Variants in GPR176 observed in about 807,000 individuals in gnomAD.
The protein encoded by GPR176 is G protein-coupled receptor 176.
GPR176 carries 26 observed loss-of-function variants against 35.4 expected under a neutral mutation model. That is an observed-to-expected ratio of 0.74 (90% CI 0.54 to 1.02). The LOEUF (loss-of-function observed/expected upper bound fraction) is 1.02, where lower values mean the gene tolerates loss of function less well. GPR176 is among the 50% of genes least tolerant of loss of function. The pLI, the probability that GPR176 is intolerant of heterozygous loss-of-function variation, is 0.00. For missense variants in GPR176, 597 were observed against 665.3 expected, an observed-to-expected ratio of 0.90 and a Z score of 1.13; for synonymous variants, 278 against 271.3, an observed-to-expected ratio of 1.02 and a Z score of -0.24.
At chr15:39,897,941 T>C (rs760492238) in intron 1 of GPR176, among the ~76,000 whole-genome samples, 78 of 152,182 alleles carry the variant, frequency 5.1e-4, no homozygotes, top group Non-Finnish European at 5.0e-4. Context: ...GTGATGTGCA[T>C]GAGGCCACTC....
chr15:39,813,700 T>C (rs1899720657), intron 1 of GPR176: 1 of 152,212 alleles, frequency 6.6e-6, no homozygotes, highest in Non-Finnish European at 1.5e-5. Flanking sequence ...TACGGTTTGA[T>C]GTCTTTTATC....
intron 1 of GPR176, among the ~76,000 whole-genome samples, chr15:39,838,943 C>T (rs1288768663): frequency 1.3e-5 from 2 of 152,182 alleles, no homozygotes; most frequent in African/African-American, 4.8e-5. Flanking sequence ...CCCAACATCT[C>T]AGCCCAAAAT....
chr15:39,814,103 G>A (rs2140798223), intron 1 of GPR176, among the ~76,000 whole-genome samples: 1 of 152,286 alleles, frequency 6.6e-6, no homozygotes, highest in East Asian at 1.9e-4. Context: ...TCACTAAAAT[G>A]TTTGCAACTG....
chr15:39,807,494 T>C (rs1899272599), intron 1 of GPR176: 14 of 1,344,278 alleles, frequency 1.0e-5, no homozygotes, highest in African/African-American at 1.5e-5. Context: ...AGTTTCTCTA[T>C]TTAATTTTGG....
chr15:39,861,251 A>C (rs2031568745), intron 1 of GPR176, among the ~76,000 whole-genome samples: 1 of 152,158 alleles, frequency 6.6e-6, no homozygotes, highest in African/African-American at 2.4e-5. Context: ...AAATAATTTA[A>C]TTATAAAACT....
intron 1 of GPR176, among the ~76,000 whole-genome samples, chr15:39,870,947 A>G (rs2032020712): frequency 6.6e-6 from 1 of 152,132 alleles, no homozygotes; most frequent in African/African-American, 2.4e-5. Context: ...CTCAGCTAAG[A>G]TAATCTCAGA....
At chr15:39,873,779 C>A (rs898103232) in intron 1 of GPR176, among the ~76,000 whole-genome samples, 1 of 152,004 alleles carries the variant, frequency 6.6e-6, no homozygotes, top group Non-Finnish European at 1.5e-5. Context: ...GATTGTCAAC[C>A]AGTCATTTGT....
rs970268413 is a variant in GPR176, at chr15:39,878,029, G to C, written c.172+41826C>G. 2.7e-5 allele frequency among the ~76,000 whole-genome samples: 4 copies of C among 150,530 alleles called. No individual in the cohort carries two copies. The East Asian group carries it at 5.8e-4, about 22-fold the overall frequency. On this transcript the variant is annotated intron_variant, in intron 1 of 2. Transcript: ENST00000561100. Reference sequence around the variant, plus strand: ...ATATTCAAGGTATACATGATGTTTTGATATACATGTACATTATGATTACCA... The same window carrying C: ...ATATTCAAGGTATACATGATGTTTTCATATACATGTACATTATGATTACCA...
In GPR176 at chr15:39,829,310, C is replaced by A. The variant is rs569871378; in HGVS notation, c.173-22052G>T. ...AAAGAACTTGGTGAGAGTAAGAAAG[C>A]CATGAGGTCACAAAGAATGCCAAAG... On this transcript the variant is annotated intron_variant, in intron 1 of 2. Coordinates refer to ENST00000561100, the MANE Select transcript of GPR176 (RefSeq NM_007223.3). 14 of 1,380,244 alleles carry A rather than the reference C, an allele frequency of 1.0e-5. 1 individual carries two copies. The South Asian group carries it at 1.9e-4, about 18-fold the overall frequency. The allele number at this position is 1,380,244 out of a possible 1,614,324, so 85.5% of individuals were successfully genotyped here.
At chr15:39,838,379 AAAAAT>A (rs1312756057) in intron 1 of GPR176, among the ~76,000 whole-genome samples, 4 of 152,198 alleles carry the variant, frequency 2.6e-5, no homozygotes. Flanking sequence ...TAAAAGAAGA[AAAAAT>A]AAGATTTTCA....
intron 1 of GPR176, among the ~76,000 whole-genome samples, chr15:39,860,477 T>C (rs560453472): frequency 1.3e-5 from 2 of 152,358 alleles, no homozygotes; most frequent in Non-Finnish European, 2.9e-5. Flanking sequence ...TCATACACAG[T>C]GTCAATGGCA....
chr15:39,894,825 G>C (rs546662010), intron 1 of GPR176, among the ~76,000 whole-genome samples: 91 of 152,360 alleles, frequency 6.0e-4, no homozygotes, highest in Admixed American at 2.7e-3. Context: ...GGTGGTGGCC[G>C]GGCAGAGGCT....
chr15:39,915,098 C>T (rs2033691268), intron 1 of GPR176, among the ~76,000 whole-genome samples: 1 of 152,224 alleles, frequency 6.6e-6, no homozygotes, highest in African/African-American at 2.4e-5. Context: ...ATCAATTTCA[C>T]ATGCTCACTA....
chr15:39,902,158 A>C (rs1332114216), intron 1 of GPR176, among the ~76,000 whole-genome samples: 1 of 152,182 alleles, frequency 6.6e-6, no homozygotes, highest in South Asian at 2.1e-4. Flanking sequence ...GTGAAACTCA[A>C]TAATTTGCAT....
intron 1 of GPR176, among the ~76,000 whole-genome samples, chr15:39,917,754 T>C (rs961233884): frequency 1.3e-5 from 2 of 151,794 alleles, no homozygotes; most frequent in African/African-American, 4.8e-5. Context: ...GAAGGGGTAA[T>C]AGAAGACTCC....
At chr15:39,866,374 CT>C (rs1210651999) in intron 1 of GPR176, among the ~76,000 whole-genome samples, 1 of 151,970 alleles carries the variant, frequency 6.6e-6, no homozygotes, top group Non-Finnish European at 1.5e-5. Flanking sequence ...AAAACAGACC[CT>C]ATGATTGAAC....
intron 1 of GPR176, chr15:39,862,123 T>C (rs1486149944): frequency 6.6e-6 from 1 of 152,198 alleles, no homozygotes; most frequent in South Asian, 2.1e-4. Context: ...CCACTCTCAG[T>C]GTTTGGTTGT....
At chr15:39,870,413 A>G (rs2032001218) in intron 1 of GPR176, among the ~76,000 whole-genome samples, 1 of 152,226 alleles carries the variant, frequency 6.6e-6, no homozygotes, top group Non-Finnish European at 1.5e-5. Context: ...AGAGAGCAGC[A>G]AAAGGGAATG....
chr15:39,838,448 AAC>A (rs1272396723), intron 1 of GPR176, among the ~76,000 whole-genome samples: 25 of 152,210 alleles, frequency 1.6e-4, no homozygotes, highest in African/African-American at 5.8e-4. Flanking sequence ...AAAGAAAGAA[AAC>A]AGTTTTTCTT....
Sources: gnomAD v4.1 joint callset for allele counts (sites outside exome capture counted in the v4.1 genomes callset) on GRCh38, gnomAD v4.1.1 for gene constraint, MANE v1.5 for transcripts, NCBI Gene and HGNC (gene_info 2026-07-23, HGNC 2026-07-21) for gene names.